DPP6: variants seen among roughly 807,000 people sequenced by gnomAD.
DPP6 encodes A-type potassium channel modulatory protein DPP6.
A neutral mutation model predicts 122.6 loss-of-function variants in DPP6; 69 were observed. That is an observed-to-expected ratio of 0.56 (90% CI 0.46 to 0.69). The LOEUF is 0.69. Ranked by LOEUF, DPP6 falls within the 30% of genes least tolerant of loss-of-function variation. The pLI, the probability that DPP6 is intolerant of heterozygous loss-of-function variation, is 0.00. For missense variants in DPP6, 928 were observed against 1,116.9 expected (o/e 0.83, Z 2.41); for synonymous variants, 418 against 433.1 (o/e 0.97, Z 0.43).
intron 8 of DPP6, among the ~76,000 whole-genome samples, chr7:154,737,601 A>C (rs898046178): frequency 6.6e-6 from 1 of 152,192 alleles, no homozygotes; most frequent in East Asian, 1.9e-4. Context: ...CAGCTGTGGA[A>C]ACTATTAAGT....
chr7:153,839,883 G>C, the DPP6 span, among the ~76,000 whole-genome samples: 1 of 152,198 alleles, frequency 6.6e-6, no homozygotes. Context: ...GTTGCTACTG[G>C]TCTTGAGGTC....
chr7:154,562,599 A>C (rs74672281), intron 4 of DPP6, among the ~76,000 whole-genome samples: 1,657 of 152,290 alleles, frequency 0.011, 15 homozygotes, highest in South Asian at 0.016. Flanking sequence ...TCTAGAGTGC[A>C]ATAAGGCAAC....
At chr7:154,857,332 A>G (rs1166518264) in intron 17 of DPP6, among the ~76,000 whole-genome samples, 1 of 152,162 alleles carries the variant, frequency 6.6e-6, no homozygotes, top group Non-Finnish European at 1.5e-5. Context: ...ATGCCTGGAT[A>G]AAAGTGCCTG....
intron 6 of DPP6, among the ~76,000 whole-genome samples, chr7:154,658,701 C>T (rs533735105): frequency 1.2e-4 from 19 of 152,242 alleles, no homozygotes; most frequent in African/African-American, 4.1e-4. Flanking sequence ...CTGCCCCACA[C>T]CTCCTTGTCC....
intron 7 of DPP6, among the ~76,000 whole-genome samples, chr7:154,699,731 T>C (rs534122348): frequency 2.1e-4 from 32 of 152,364 alleles, no homozygotes; most frequent in Non-Finnish European, 3.4e-4. Context: ...CAGAGTGGCC[T>C]TGGAGAAGCC....
At chr7:154,438,345 C>T (rs2151272986) in intron 1 of DPP6, among the ~76,000 whole-genome samples, 1 of 151,518 alleles carries the variant, frequency 6.6e-6, no homozygotes, top group African/African-American at 2.4e-5. Context: ...TGGCGGGAGC[C>T]TGTAGTCCCA....
chr7:154,459,291 G>A (rs1222376191), intron 2 of DPP6, among the ~76,000 whole-genome samples: 1 of 152,146 alleles, frequency 6.6e-6, no homozygotes. Flanking sequence ...TATTCTCGTA[G>A]GCATCGGGTG....
chr7:153,849,921 A>G, the DPP6 span, among the ~76,000 whole-genome samples: 1 of 152,150 alleles, frequency 6.6e-6, no homozygotes, highest in Non-Finnish European at 1.5e-5. Flanking sequence ...TATTCTGTGC[A>G]CAAGAATCCC....
intron 3 of DPP6, among the ~76,000 whole-genome samples, chr7:154,505,674 G>C (rs1288191700): frequency 6.6e-6 from 1 of 152,172 alleles, no homozygotes; most frequent in Non-Finnish European, 1.5e-5. Flanking sequence ...TGGGTTTATA[G>C]GGCTTTGGGA....
chr7:154,210,613 C>T (rs1162046393), intron 1 of DPP6, among the ~76,000 whole-genome samples: 1 of 152,088 alleles, frequency 6.6e-6, no homozygotes, highest in Non-Finnish European at 1.5e-5. Context: ...AAATAGAAGA[C>T]ACAGTCAGCA....
At chr7:154,732,511 A>C (rs1345827502) in intron 8 of DPP6, among the ~76,000 whole-genome samples, 1 of 152,218 alleles carries the variant, frequency 6.6e-6, no homozygotes, top group Non-Finnish European at 1.5e-5. Context: ...TGTTAGGGTC[A>C]TTGGAGGACA....
intron 8 of DPP6, among the ~76,000 whole-genome samples, chr7:154,757,968 C>A (rs936895366): frequency 4.6e-5 from 7 of 151,998 alleles, no homozygotes; most frequent in Non-Finnish European, 1.0e-4. Context: ...GCCGCGCTCT[C>A]CCCCCCGCCC....
chr7:154,500,788 G>C (rs984181250), intron 3 of DPP6, among the ~76,000 whole-genome samples: 2 of 152,194 alleles, frequency 1.3e-5, no homozygotes, highest in African/African-American at 2.4e-5. Context: ...AGTAGAGTGG[G>C]GCACTGCTGA....
At chr7:154,631,312 G>A (rs1835394264) in intron 5 of DPP6, among the ~76,000 whole-genome samples, 1 of 152,224 alleles carries the variant, frequency 6.6e-6, no homozygotes, top group African/African-American at 2.4e-5. Context: ...CCTGGAATCA[G>A]GAAAGGGGAA....
chr7:154,305,167 C>T (rs906763702), intron 1 of DPP6: 2 of 871,692 alleles, frequency 2.3e-6, no homozygotes, highest in Non-Finnish European at 2.8e-6. Context: ...TCACTCGGGT[C>T]CCCTTCCTGC....
chr7:154,791,277 TAA>T, intron 10 of DPP6, among the ~76,000 whole-genome samples: 1 of 151,660 alleles, frequency 6.6e-6, no homozygotes, highest in African/African-American at 2.4e-5. Context: ...TAAAAATAAA[TAA>T]ATAAAATAAA....
intron 1 of DPP6, among the ~76,000 whole-genome samples, chr7:154,370,047 A>G (rs1812519509): frequency 6.6e-6 from 1 of 151,950 alleles, no homozygotes; most frequent in African/African-American, 2.4e-5. Context: ...CAATAGCACA[A>G]TCTTGGCTCA....
At chr7:153,953,784 A>C (rs1802330465) in intron 1 of DPP6, among the ~76,000 whole-genome samples, 1 of 151,966 alleles carries the variant, frequency 6.6e-6, no homozygotes, top group South Asian at 2.1e-4. Flanking sequence ...ACACATACAC[A>C]CAAAGAAACA....
intron 1 of DPP6, among the ~76,000 whole-genome samples, chr7:153,939,518 T>C (rs555587178): frequency 7.2e-5 from 11 of 152,228 alleles, no homozygotes; most frequent in Non-Finnish European, 1.2e-4. Flanking sequence ...CAAAGGTGAG[T>C]GTGGGGCACT....
Sources: gnomAD v4.1 joint callset for allele counts (sites outside exome capture counted in the v4.1 genomes callset) on GRCh38, gnomAD v4.1.1 for gene constraint, MANE v1.5 for transcripts, NCBI Gene and HGNC (gene_info 2026-07-23, HGNC 2026-07-21) for gene names.